CACNB2: variants seen among roughly 807,000 people sequenced by gnomAD.
The protein encoded by CACNB2 is voltage-dependent L-type calcium channel subunit beta-2.
Under a neutral mutation model 73.3 loss-of-function variants are expected in CACNB2, and 42 were observed. The ratio of observed to expected loss-of-function variants is 0.57; its 90% CI spans 0.45 to 0.74. The LOEUF is 0.74. Among genes scored for constraint, CACNB2 ranks in the 30% least tolerant of loss-of-function variants. CACNB2 has a pLI of 0.00. For missense variants in CACNB2, 940 were observed against 853.0 expected (o/e 1.10, Z -1.27); for synonymous variants, 348 against 310.3 (o/e 1.12, Z -1.28).
chr10:18,351,834 A>G (rs1357161436), intron 2 of CACNB2, among the ~76,000 whole-genome samples: 5 of 152,220 alleles, frequency 3.3e-5, no homozygotes, highest in Non-Finnish European at 7.3e-5. Context: ...TTTCTATTAG[A>G]GGCTTTTTTT....
At chr10:18,212,359 T>C (rs562701190) in intron 2 of CACNB2, among the ~76,000 whole-genome samples, 14 of 73,700 alleles carry the variant, frequency 1.9e-4, no homozygotes, top group African/African-American at 4.8e-4. Context: ...TTGCCATATA[T>C]TGTGTTTTTT....
intron 2 of CACNB2, among the ~76,000 whole-genome samples, chr10:18,349,792 A>G (rs980970354): frequency 6.6e-6 from 1 of 152,184 alleles, no homozygotes; most frequent in Non-Finnish European, 1.5e-5. Context: ...AATGTATTCA[A>G]TGCCATTGAA....
intron 3 of CACNB2, among the ~76,000 whole-genome samples, chr10:18,413,987 T>C (rs1235644252): frequency 2.6e-5 from 4 of 152,236 alleles, no homozygotes; most frequent in Admixed American, 6.5e-5. Flanking sequence ...TCTGTAGTTA[T>C]GTGCGGTCTT....
At chr10:18,170,295 A>G (rs1182740635) in intron 2 of CACNB2, among the ~76,000 whole-genome samples, 1 of 152,238 alleles carries the variant, frequency 6.6e-6, no homozygotes, top group African/African-American at 2.4e-5. Context: ...ACTTTACAGA[A>G]TGAATGAATG....
intron 2 of CACNB2, among the ~76,000 whole-genome samples, chr10:18,216,101 G>A (rs924108510): frequency 1.6e-4 from 24 of 150,592 alleles, no homozygotes; most frequent in African/African-American, 5.6e-4. Context: ...TTTGAGACCA[G>A]CCTGACCAAC....
At chr10:18,369,297 T>A (rs1267321344) in intron 2 of CACNB2, among the ~76,000 whole-genome samples, 1 of 152,240 alleles carries the variant, frequency 6.6e-6, no homozygotes, top group African/African-American at 2.4e-5. Flanking sequence ...AAATATTGTT[T>A]GTGCTACTAA....
rs1048865033 is a variant in CACNB2, at chr10:18,420,203, T to C, written c.333+18160T>C. 4.6e-5 allele frequency among the ~76,000 whole-genome samples: 7 copies of C among 152,168 alleles called. No individual in the cohort carries two copies. The East Asian group carries it at 1.3e-3, about 29-fold the overall frequency. ...TCAGCCTAATACACTGATGAATGTA[T>C]ACTCCAGCATTAATCTTTTGTTATG... On this transcript the variant is annotated intron_variant, in intron 3 of 13. Coordinates refer to ENST00000324631, the MANE Select transcript of CACNB2 (RefSeq NM_201596.3).
chr10:18,293,777 A>T (rs2039164929), intron 2 of CACNB2, among the ~76,000 whole-genome samples: 1 of 152,220 alleles, frequency 6.6e-6, no homozygotes, highest in Admixed American at 6.5e-5. Flanking sequence ...TATTACAGAG[A>T]ATACAGTCAT....
chr10:18,490,645 T>C (rs774339702), intron 3 of CACNB2, among the ~76,000 whole-genome samples: 2 of 152,170 alleles, frequency 1.3e-5, no homozygotes, highest in Non-Finnish European at 2.9e-5. Flanking sequence ...CCAACCAACG[T>C]AGTATCCTAA....
chr10:18,521,588 T>C (rs969861789), intron 9 of CACNB2, among the ~76,000 whole-genome samples: 3 of 152,206 alleles, frequency 2.0e-5, no homozygotes. Flanking sequence ...TGCCAGGCAT[T>C]GTGAGGAGCA....
chr10:18,153,013 A>G (rs1175217111), intron 2 of CACNB2, among the ~76,000 whole-genome samples: 2 of 152,144 alleles, frequency 1.3e-5, no homozygotes, highest in Non-Finnish European at 2.9e-5. Context: ...CATGGCAAGG[A>G]GGGATTACCA....
At chr10:18,414,012 G>T (rs188386359) in intron 3 of CACNB2, among the ~76,000 whole-genome samples, 109 of 152,328 alleles carry the variant, frequency 7.2e-4, no homozygotes, top group African/African-American at 2.6e-3. Context: ...TATTTTACAT[G>T]GTCACTATCA....
At chr10:18,356,202 T>C (rs1726203705) in intron 2 of CACNB2, among the ~76,000 whole-genome samples, 1 of 152,170 alleles carries the variant, frequency 6.6e-6, no homozygotes, top group South Asian at 2.1e-4. Context: ...TGCCATAGGC[T>C]GGGCCTCTGC....
At chr10:18,373,086 G>A (rs1162676628) in intron 2 of CACNB2, among the ~76,000 whole-genome samples, 1 of 152,098 alleles carries the variant, frequency 6.6e-6, no homozygotes, top group East Asian at 1.9e-4. Flanking sequence ...ACAGTGCTAG[G>A]ATTACAGGTG....
chr10:18,319,313 C>T (rs1452337139), intron 2 of CACNB2, among the ~76,000 whole-genome samples: 5 of 152,048 alleles, frequency 3.3e-5, no homozygotes, highest in South Asian at 2.1e-4. Flanking sequence ...TGGATGGAGC[C>T]GGAAGCCATC....
At chr10:18,538,412 A>G (rs1449192912) in intron 13 of CACNB2, 47 bp downstream of exon 13, 9 of 1,582,062 alleles carry the variant, frequency 5.7e-6, no homozygotes, top group Non-Finnish European at 7.8e-6. Context: ...CTTCATAGAA[A>G]AAAGGTTGCC....
At chr10:18,295,398 A>G (rs2039236189) in intron 2 of CACNB2, among the ~76,000 whole-genome samples, 1 of 152,218 alleles carries the variant, frequency 6.6e-6, no homozygotes, top group South Asian at 2.1e-4. Flanking sequence ...TTGAAAAGTC[A>G]CTTTGCCTTG....
chr10:18,356,433 A>G (rs954247546), intron 2 of CACNB2, among the ~76,000 whole-genome samples: 23 of 151,918 alleles, frequency 1.5e-4, no homozygotes, highest in Middle Eastern at 3.2e-3. Flanking sequence ...TGTTGTTGTT[A>G]TTATTTTAAA....
At chr10:18,451,734 T>G (rs186776006) in intron 3 of CACNB2, among the ~76,000 whole-genome samples, 3 of 152,328 alleles carry the variant, frequency 2.0e-5, no homozygotes, top group African/African-American at 7.2e-5. Context: ...GTATGTCTTA[T>G]GCTCACCCAT....
Sources: allele counts gnomAD v4.1 joint callset (sites outside exome capture counted in the v4.1 genomes callset), GRCh38; gene constraint gnomAD v4.1.1; transcripts MANE v1.5; gene names NCBI Gene and HGNC (gene_info 2026-07-23, HGNC 2026-07-21).